Variants in MACROD2 observed in about 807,000 individuals in gnomAD.
MACROD2 encodes mono-ADP ribosylhydrolase 2.
A neutral mutation model predicts 70.4 loss-of-function variants in MACROD2; 36 were observed. The ratio of observed to expected loss-of-function variants is 0.51; its 90% CI spans 0.39 to 0.68. The LOEUF is 0.68. Ranked by LOEUF, MACROD2 falls within the 30% of genes least tolerant of loss-of-function variation. MACROD2 has a pLI of 0.00. For synonymous variants in MACROD2, 172 were observed against 178.8 expected, an observed-to-expected ratio of 0.96 and a Z score of 0.30; for missense variants, 496 against 538.4, an observed-to-expected ratio of 0.92 and a Z score of 0.78.
chr20:15,896,550 T>TG (rs200177004), intron 10 of MACROD2, among the ~76,000 whole-genome samples: 1 of 151,566 alleles, frequency 6.6e-6, no homozygotes, highest in Non-Finnish European at 1.5e-5. Context: ...TTTTTTTTTT[T>TG]CTAGAAAAAA....
chr20:15,103,642 TA>T (rs1430283792), intron 5 of MACROD2, among the ~76,000 whole-genome samples: 1 of 152,108 alleles, frequency 6.6e-6, no homozygotes, highest in African/African-American at 2.4e-5. Context: ...CTAGTGGAGT[TA>T]AAATTCTAAT....
rs562235275 is a variant in MACROD2 at position 15,115,126 on chromosome 20, A to G, written c.419-114814A>G. ...CTTCTGCTGAAATTAATCAGAATCT[A>G]TTCTATTTGTTGCAGTCAAAAAATT... On this transcript the variant is annotated intron_variant, in intron 5 of 17. Transcript: ENST00000684519. Among the ~76,000 whole-genome samples the G allele has an allele frequency of 6.6e-5, 10 of 152,212 alleles. No homozygotes were observed. The South Asian group carries it at 2.1e-3, about 32-fold the overall frequency.
At chr20:15,027,557 T>G (rs6105358) in intron 5 of MACROD2, among the ~76,000 whole-genome samples, 59,057 of 110,548 alleles carry the variant, frequency 0.53, 13,273 homozygotes, top group South Asian at 0.64. Context: ...GTGGTGGTGG[T>G]GGGGGGAAAT....
At chr20:14,071,602 T>G (rs1040755796) in intron 2 of MACROD2, among the ~76,000 whole-genome samples, 13 of 152,142 alleles carry the variant, frequency 8.5e-5, no homozygotes, top group African/African-American at 3.1e-4. Flanking sequence ...CAGAGTTTGT[T>G]TCTCCTCGTC....
chr20:15,966,823 T>C (rs568639673), intron 12 of MACROD2, among the ~76,000 whole-genome samples: 190 of 152,314 alleles, frequency 1.2e-3, no homozygotes, highest in Admixed American at 2.4e-3. Context: ...TGTTGATCCA[T>C]TCACAGGATC....
At chr20:14,274,603 C>T (rs13041763) in intron 3 of MACROD2, among the ~76,000 whole-genome samples, 98,199 of 151,514 alleles carry the variant, frequency 0.65, 33,001 homozygotes, top group Non-Finnish European at 0.74. Flanking sequence ...GGGATGCCCT[C>T]TCTCACCACT....
rs373921633 is a variant in MACROD2, at chr20:15,329,630, A to G, written c.540+99569A>G. On this transcript the variant is annotated intron_variant, in intron 6 of 17. Coordinates refer to ENST00000684519, the MANE Select transcript of MACROD2 (RefSeq NM_001351661.2). ...AGTAATATCAAAAAATGAAAATACA[A>G]TATTTTAAAACAAAATCTTGAAGTG... Among the ~76,000 whole-genome samples the G allele has an allele frequency of 1.8e-4, 27 of 152,214 alleles. No individual in the cohort carries two copies. In the South Asian group the frequency reaches 5.0e-3, roughly 28 times the overall value.
rs376605254 is a variant in MACROD2, at chr20:15,479,095, A to G, written c.572-20679A>G. 6.6e-5 allele frequency among the ~76,000 whole-genome samples: 10 copies of G among 152,254 alleles called. No individual in the cohort carries two copies. The East Asian group carries it at 1.9e-3, about 29-fold the overall frequency. On this transcript the variant is annotated intron_variant, in intron 7 of 17. Coordinates refer to ENST00000684519, the MANE Select transcript of MACROD2 (RefSeq NM_001351661.2). ...TTCTTTGCTCCCTGGTCCTGAAAGG[A>G]AAATTAGATTAATGCTCACAAATCC...
At chr20:15,815,835 T>C (rs1307756843) in intron 8 of MACROD2, among the ~76,000 whole-genome samples, 3 of 152,160 alleles carry the variant, frequency 2.0e-5, no homozygotes, top group Non-Finnish European at 4.4e-5. Flanking sequence ...TTCTAGAAGT[T>C]AACAGGGTTT....
At chr20:15,367,324 C>A (rs2045425601) in intron 6 of MACROD2, among the ~76,000 whole-genome samples, 1 of 152,214 alleles carries the variant, frequency 6.6e-6, no homozygotes, top group Admixed American at 6.5e-5. Context: ...CCGTGCCCGG[C>A]CCCAAAAATT....
intron 3 of MACROD2, among the ~76,000 whole-genome samples, chr20:14,386,024 GTA>G (rs962577584): frequency 2.0e-4 from 27 of 137,632 alleles, no homozygotes; most frequent in South Asian, 1.3e-3. Flanking sequence ...CCAATACAGC[GTA>G]TTTTTGTTAG....
At position 14,293,459 on chromosome 20, in the gene MACROD2, G is replaced by A. The variant is rs543882256; in HGVS notation, c.272-200020G>A. 5.3e-5 allele frequency among the ~76,000 whole-genome samples: 8 copies of A among 151,942 alleles called. No homozygotes were observed. The South Asian group carries it at 1.2e-3, about 24-fold the overall frequency. On this transcript the variant is annotated intron_variant, in intron 3 of 17. Coordinates refer to ENST00000684519, the MANE Select transcript of MACROD2 (RefSeq NM_001351661.2). ...CCTCTTTAAAGAGATGACAGTTCAG[G>A]TGAGACCTTAATGACGAGAAGGAGT...
At chr20:15,683,864 GCC>G (rs2050193117) in intron 8 of MACROD2, among the ~76,000 whole-genome samples, 1 of 152,132 alleles carries the variant, frequency 6.6e-6, no homozygotes, top group African/African-American at 2.4e-5. Flanking sequence ...ATAGGTGTGA[GCC>G]ATCGCGCCTG....
At chr20:14,641,624 AAAC>A (rs1985097618) in intron 4 of MACROD2, among the ~76,000 whole-genome samples, 1 of 152,236 alleles carries the variant, frequency 6.6e-6, no homozygotes, top group Non-Finnish European at 1.5e-5. Flanking sequence ...GCATGCAAGA[AAAC>A]AACATTAACG....
intron 2 of MACROD2, among the ~76,000 whole-genome samples, chr20:14,044,637 A>G (rs1036418981): frequency 5.9e-5 from 9 of 151,840 alleles, no homozygotes; most frequent in Non-Finnish European, 1.3e-4. Context: ...AGCTAGATAC[A>G]GAGTGTTGAC....
At chr20:14,671,091 A>C (rs981589717) in intron 4 of MACROD2, among the ~76,000 whole-genome samples, 4 of 152,186 alleles carry the variant, frequency 2.6e-5, no homozygotes, top group Admixed American at 6.6e-5. Flanking sequence ...TAAATTGGGC[A>C]TATAGCCTGC....
chr20:14,782,162 G>A (rs1466592816), intron 5 of MACROD2, among the ~76,000 whole-genome samples: 1 of 151,964 alleles, frequency 6.6e-6, no homozygotes, highest in Non-Finnish European at 1.5e-5. Flanking sequence ...GACCTCAAGT[G>A]ATCTGCCTGA....
chr20:15,749,417 A>G (rs2051234325), intron 8 of MACROD2, among the ~76,000 whole-genome samples: 1 of 152,032 alleles, frequency 6.6e-6, no homozygotes. Context: ...TTTGTTCCAA[A>G]TAGAATATTA....
At chr20:15,373,636 C>G (rs912670983) in intron 6 of MACROD2, among the ~76,000 whole-genome samples, 3 of 152,150 alleles carry the variant, frequency 2.0e-5, no homozygotes, top group African/African-American at 7.2e-5. Flanking sequence ...CTCCTGGCTT[C>G]AAGTGATCCT....
Sources: gnomAD v4.1 joint callset for allele counts (sites outside exome capture counted in the v4.1 genomes callset) on GRCh38, gnomAD v4.1.1 for gene constraint, MANE v1.5 for transcripts, NCBI Gene and HGNC (gene_info 2026-07-23, HGNC 2026-07-21) for gene names.